Variants in DAB1 observed in about 807,000 individuals in gnomAD.
DAB1 encodes the protein DAB adaptor protein 1, also known as disabled homolog 1.
Under a neutral mutation model 64.6 loss-of-function variants are expected in DAB1, and 15 were observed. The observed-to-expected ratio is 0.23, with a 90% CI of 0.16 to 0.36. The LOEUF is 0.36. Ranked by LOEUF, DAB1 falls within the 10% of genes least tolerant of loss-of-function variation. The probability of loss-of-function intolerance (pLI) is 1.00; values close to 1 mark genes in which losing one functional copy is unlikely to be tolerated. For missense variants in DAB1, 596 were observed against 706.7 expected (o/e 0.84, Z 1.78); for synonymous variants, 235 against 251.9 (o/e 0.93, Z 0.64).
At chr1:58,467,317 A>C (rs338246) in intron 3 of DAB1, among the ~76,000 whole-genome samples, 5,622 of 152,328 alleles carry the variant, frequency 0.037, 390 homozygotes, top group African/African-American at 0.13. Flanking sequence ...CATATGTAGC[A>C]GCGCTCAAAC....
chr1:57,282,591 G>T (rs1672003783), intron 2 of DAB1, among the ~76,000 whole-genome samples: 1 of 152,112 alleles, frequency 6.6e-6, no homozygotes, highest in Admixed American at 6.5e-5. Flanking sequence ...CACATCGAGT[G>T]AAGTGTCCTG....
chr1:57,947,794 G>T (rs1645205816), intron 5 of DAB1, among the ~76,000 whole-genome samples: 1 of 152,162 alleles, frequency 6.6e-6, no homozygotes, highest in African/African-American at 2.4e-5. Context: ...TACCTTTAAA[G>T]AATGTGTAAG....
chr1:58,354,462 T>C (rs1290489776), intron 3 of DAB1, among the ~76,000 whole-genome samples: 1 of 152,176 alleles, frequency 6.6e-6, no homozygotes. Context: ...AAAAAATGAA[T>C]TTTCCAGAAC....
chr1:58,114,822 T>C (rs1398555605), intron 5 of DAB1, among the ~76,000 whole-genome samples: 1 of 152,222 alleles, frequency 6.6e-6, no homozygotes, highest in Non-Finnish European at 1.5e-5. Context: ...TCAGTGTGTA[T>C]TGTTACAACT....
At chr1:57,669,355 A>G (rs953874857) in intron 6 of DAB1, among the ~76,000 whole-genome samples, 3 of 152,156 alleles carry the variant, frequency 2.0e-5, no homozygotes, top group African/African-American at 7.2e-5. Context: ...CCTCACTACT[A>G]TAAGAATGTA....
chr1:57,559,399 T>C (rs1348816665), intron 7 of DAB1, among the ~76,000 whole-genome samples: 2 of 152,206 alleles, frequency 1.3e-5, no homozygotes, highest in African/African-American at 4.8e-5. Context: ...GACCCCACTA[T>C]GCTACTGACA....
At chr1:58,121,562 C>A (rs1387966190) in intron 5 of DAB1, among the ~76,000 whole-genome samples, 4 of 152,112 alleles carry the variant, frequency 2.6e-5, no homozygotes, top group Admixed American at 2.0e-4. Context: ...TTAGAATACA[C>A]CCCTCACTCT....
intron 4 of DAB1, among the ~76,000 whole-genome samples, chr1:57,116,785 T>C (rs1328451703): frequency 6.6e-6 from 1 of 152,212 alleles, no homozygotes; most frequent in African/African-American, 2.4e-5. Context: ...ATACCTGCCA[T>C]CCTTGAAATA....
chr1:57,540,690 T>C (rs1187975193), intron 7 of DAB1, among the ~76,000 whole-genome samples: 1 of 152,250 alleles, frequency 6.6e-6, no homozygotes, highest in Non-Finnish European at 1.5e-5. Context: ...AAGCTCATTA[T>C]GTTAAAGTTA....
At chr1:57,391,659 T>C (rs1237572302) in intron 1 of DAB1, among the ~76,000 whole-genome samples, 2 of 152,090 alleles carry the variant, frequency 1.3e-5, no homozygotes, top group African/African-American at 2.4e-5. Flanking sequence ...ACCCCACAAA[T>C]GTGTCTTGAT....
intron 3 of DAB1, among the ~76,000 whole-genome samples, chr1:58,473,541 C>CAAAA (rs1295620920): frequency 1.4e-3 from 158 of 115,260 alleles, no homozygotes; most frequent in Middle Eastern, 0.012. Flanking sequence ...GACTCCGTCT[C>CAAAA]AAAAAAATAA....
chr1:57,484,306 G>C (rs886482290), intron 7 of DAB1, among the ~76,000 whole-genome samples: 1 of 152,114 alleles, frequency 6.6e-6, no homozygotes, highest in Non-Finnish European at 1.5e-5. Context: ...TTGAAGATGT[G>C]TTTTGTGCCA....
At chr1:58,164,452 T>C (rs1655713774) in intron 4 of DAB1, among the ~76,000 whole-genome samples, 1 of 152,224 alleles carries the variant, frequency 6.6e-6, no homozygotes. Context: ...ATCTGAAGTA[T>C]AGATGAGCAC....
At position 57,902,984 on chromosome 1, in the gene DAB1, T is replaced by C. The variant is rs546588829; in HGVS notation, n.388-18822A>G. ...CATGGTTGGGGAGGCCTCACAATCA[T>C]GGCGGAAGGCAAAGGAGAAGCAAAG... On this transcript the variant is annotated intron_variant and non_coding_transcript_variant, in intron 5 of 20. Transcript: ENST00000485760. Among the ~76,000 whole-genome samples, 121 of 152,250 alleles carry C rather than the reference T, an allele frequency of 7.9e-4. 3 individuals are homozygous for C. The South Asian group carries it at 0.025, about 31-fold the overall frequency.
chr1:57,131,879 C>T (rs969506994), intron 4 of DAB1, among the ~76,000 whole-genome samples: 2 of 151,966 alleles, frequency 1.3e-5, no homozygotes, highest in African/African-American at 2.4e-5. Context: ...TAAGTATTAG[C>T]GGGCACCAGC....
rs147695908 is a variant in DAB1 at position 58,409,062 on chromosome 1, G to A, written n.258-65659C>T. ...GGGAGACAATGCCAAGAAAGAAAAC[G>A]TTTTTCTCAGCTATGTACTCTATAT... On this transcript the variant is annotated intron_variant and non_coding_transcript_variant, in intron 3 of 20. Coordinates refer to the DAB1 transcript ENST00000485760. Among the ~76,000 whole-genome samples, 224 of 152,268 alleles carry A rather than the reference G, an allele frequency of 1.5e-3. 3 individuals carry two copies. The highest frequency in any genetic ancestry group is 5.2e-3 in the African/African-American group (215 of 41,546).
chr1:57,347,796 A>C (rs1162707160), intron 1 of DAB1, among the ~76,000 whole-genome samples: 2 of 151,926 alleles, frequency 1.3e-5, no homozygotes, highest in Non-Finnish European at 2.9e-5. Context: ...TTTTTTTTTT[A>C]AGCGGCAGAT....
At chr1:57,239,192 T>C (rs555173447) in intron 2 of DAB1, among the ~76,000 whole-genome samples, 7 of 152,268 alleles carry the variant, frequency 4.6e-5, no homozygotes, top group Admixed American at 1.3e-4. Context: ...CTTGTTGTCA[T>C]TCAAATGTCC....
intron 4 of DAB1, among the ~76,000 whole-genome samples, chr1:57,120,906 A>G (rs1158537982): frequency 6.6e-6 from 1 of 152,154 alleles, no homozygotes; most frequent in African/African-American, 2.4e-5. Context: ...AATAAGCACT[A>G]TAACAAAAGT....
Sources: gnomAD v4.1 joint callset for allele counts (sites outside exome capture counted in the v4.1 genomes callset) on GRCh38, gnomAD v4.1.1 for gene constraint, MANE v1.5 for transcripts, NCBI Gene and HGNC (gene_info 2026-07-23, HGNC 2026-07-21) for gene names.